The following ADAM23 variants were observed in gnomAD, a reference collection of about 807,000 sequenced individuals.
The protein encoded by ADAM23 is disintegrin and metalloproteinase domain-containing protein 23.
Under a neutral mutation model 120.1 loss-of-function variants are expected in ADAM23, and 33 were observed. That is an observed-to-expected ratio of 0.27 (90% CI 0.21 to 0.37). The LOEUF (loss-of-function observed/expected upper bound fraction) is 0.37. Among genes scored for constraint, ADAM23 ranks in the 10% least tolerant of loss-of-function variants. The probability of loss-of-function intolerance (pLI) is 1.00; values close to 1 mark genes in which losing one functional copy is unlikely to be tolerated. For missense variants in ADAM23, 862 were observed against 1,058.2 expected (o/e 0.81, Z 2.57); for synonymous variants, 367 against 375.2 (o/e 0.98, Z 0.25).
At chr2:206,554,471 A>C (rs1369445620) in intron 9 of ADAM23, among the ~76,000 whole-genome samples, 1 of 152,228 alleles carries the variant, frequency 6.6e-6, no homozygotes, top group African/African-American at 2.4e-5. Context: ...ATACTTAACT[A>C]TGCGTCAATA....
rs1200883414 is a variant in ADAM23 at position 206,571,737 on chromosome 2, G to C, written c.1577G>C (p.Gly526Ala). The change falls in exon 17 of 26, where the codon GGA becomes GCA. Residue 526 changes from glycine to alanine, a missense_variant. By Grantham distance (60) the Gly-to-Ala change is moderately conservative (BLOSUM62 0). Coordinates refer to ENST00000264377, the MANE Select transcript of ADAM23 (RefSeq NM_003812.4). Reference sequence around the variant, plus strand: ...AAGTGTTTTCTCTAGGAATGCTATGGATTATGCTGTAAGAAATGTTCCCTC... The same window carrying C: ...AAGTGTTTTCTCTAGGAATGCTATGCATTATGCTGTAAGAAATGTTCCCTC... ...CDCGFHVECY[G>A]LCCKKCSLSN... 2 of 1,613,984 alleles carry C rather than the reference G, an allele frequency of 1.2e-6. No individual in the cohort carries two copies. The highest frequency in any genetic ancestry group is 1.7e-6 in the Non-Finnish European group (2 of 1,179,874).
chr2:206,597,365 A>G (rs553347007), intron 24 of ADAM23, among the ~76,000 whole-genome samples: 111 of 151,620 alleles, frequency 7.3e-4, no homozygotes, highest in African/African-American at 2.6e-3. Flanking sequence ...TTTTTAGTGG[A>G]GATGGGGTTT....
At chr2:206,450,859 C>G (rs1695178243) in intron 2 of ADAM23, among the ~76,000 whole-genome samples, 1 of 152,154 alleles carries the variant, frequency 6.6e-6, no homozygotes, top group Non-Finnish European at 1.5e-5. Flanking sequence ...TTGAATACTT[C>G]TTTTGAATCA....
At chr2:206,594,697 T>A in intron 22 of ADAM23, 40 bp from the exon 23 acceptor site, 4 of 1,609,504 alleles carry the variant, frequency 2.5e-6, no homozygotes, top group Non-Finnish European at 3.4e-6. Flanking sequence ...ATGTTCTAAG[T>A]GTGGTGCAAA....
chr2:206,598,396 G>A (rs1196705660), intron 24 of ADAM23, among the ~76,000 whole-genome samples: 2 of 151,870 alleles, frequency 1.3e-5, no homozygotes, highest in African/African-American at 2.4e-5. Flanking sequence ...AAAAATCTTT[G>A]GAGGCATTAA....
chr2:206,486,062 G>A (rs1487045557), intron 3 of ADAM23, among the ~76,000 whole-genome samples: 1 of 152,214 alleles, frequency 6.6e-6, no homozygotes, highest in African/African-American at 2.4e-5. Flanking sequence ...AGATCAGAGA[G>A]GAAGCAGCTG....
At chr2:206,486,042 C>T (rs560873110) in intron 3 of ADAM23, among the ~76,000 whole-genome samples, 4 of 152,124 alleles carry the variant, frequency 2.6e-5, no homozygotes, top group South Asian at 2.1e-4. Context: ...AGTGGGAGAA[C>T]GAGGAGACGA....
chr2:206,530,332 C>T (rs1352040833), intron 3 of ADAM23, among the ~76,000 whole-genome samples: 1 of 152,232 alleles, frequency 6.6e-6, no homozygotes, highest in Non-Finnish European at 1.5e-5. Context: ...AAAATATCTA[C>T]TCCCTGGCCT....
At chr2:206,528,252 G>A (rs553592125) in intron 3 of ADAM23, among the ~76,000 whole-genome samples, 1 of 152,302 alleles carries the variant, frequency 6.6e-6, no homozygotes, top group South Asian at 2.1e-4. Flanking sequence ...CTTCATCTAT[G>A]TATATCATAG....
chr2:206,531,085 G>C, intron 4 of ADAM23, 137 bp downstream of exon 4: 1 of 618,456 alleles, frequency 1.6e-6, no homozygotes, highest in Non-Finnish European at 2.7e-6. Flanking sequence ...TTTTTAGTGA[G>C]GAGAAATTTA....
chr2:206,496,829 G>A (rs1293903205), intron 3 of ADAM23, among the ~76,000 whole-genome samples: 4 of 152,194 alleles, frequency 2.6e-5, no homozygotes, highest in South Asian at 2.1e-4. Context: ...TATCACCACC[G>A]ATCCCACAGA....
rs750079337 is a variant in ADAM23, at chr2:206,617,706, A to G, written c.*79A>G. On this transcript the variant is annotated 3_prime_UTR_variant, in exon 26 of 26. Transcript: ENST00000264377. The stretch of plus-strand genomic sequence containing the variant: ...TACTCGCAGCAGTGTTACTGGAACT[A>G]TTAAGTTTGTAAACAAAACCTTTGG... The G allele has an allele frequency of 1.4e-5, 22 of 1,584,126 alleles. No individual in the cohort carries two copies. Among genetic ancestry groups the G allele is most frequent in the Admixed American group, 7.2e-5 (4 of 55,522 alleles).
At chr2:206,570,611 CACA>C in intron 15 of ADAM23, 126 bp from the exon 16 acceptor site, 5 of 671,728 alleles carry the variant, frequency 7.4e-6, no homozygotes, top group Non-Finnish European at 1.1e-5. Flanking sequence ...TATAAGATGC[CACA>C]ACAACAGATC....
At chr2:206,582,265 T>C (rs1030820428) in intron 18 of ADAM23, among the ~76,000 whole-genome samples, 1 of 152,254 alleles carries the variant, frequency 6.6e-6, no homozygotes, top group Admixed American at 6.5e-5. Context: ...GATATTTTCC[T>C]GTTGGACAAG....
intron 24 of ADAM23, among the ~76,000 whole-genome samples, chr2:206,604,403 T>A (rs1698694549): frequency 6.6e-6 from 1 of 152,220 alleles, no homozygotes; most frequent in Non-Finnish European, 1.5e-5. Context: ...AGTGTTTGCC[T>A]CCATAACTTG....
At chr2:206,610,839 T>G (rs1698813474) in intron 25 of ADAM23, among the ~76,000 whole-genome samples, 1 of 152,212 alleles carries the variant, frequency 6.6e-6, no homozygotes, top group African/African-American at 2.4e-5. Flanking sequence ...AGTTGATGAT[T>G]ATGATTTGTA....
intron 2 of ADAM23, among the ~76,000 whole-genome samples, chr2:206,454,811 C>G (rs1198063442): frequency 1.3e-5 from 2 of 152,212 alleles, no homozygotes; most frequent in African/African-American, 4.8e-5. Context: ...AATTGCCTTT[C>G]TCACATCAGG....
Position 206,539,782 on chromosome 2 carries a change from AG to A in ADAM23, c.574-2269del, listed in dbSNP as rs1278083319. Among the ~76,000 whole-genome samples the A allele has an allele frequency of 1.4e-4, 21 of 152,312 alleles. No homozygotes were observed. The South Asian group carries it at 4.4e-3, about 32-fold the overall frequency. The stretch of plus-strand genomic sequence containing the variant: ...GAGATAACTCAAGATCTTACTTTGC[AG>A]TGGTCTGAAGTGTTACCAAATAATA... On this transcript the variant is annotated intron_variant, in intron 4 of 25. Transcript: ENST00000264377.
intron 24 of ADAM23, 171 bp from the exon 25 acceptor site, chr2:206,609,739 G>A (rs1361233313): frequency 1.3e-5 from 7 of 558,364 alleles, no homozygotes; most frequent in East Asian, 3.5e-5. Flanking sequence ...TCCAAGCAAC[G>A]CTCACCGTAG....
Sources: allele counts gnomAD v4.1 joint callset (sites outside exome capture counted in the v4.1 genomes callset), GRCh38; gene constraint gnomAD v4.1.1; transcripts MANE v1.5; gene names NCBI Gene and HGNC (gene_info 2026-07-23, HGNC 2026-07-21).